Variants in AK8 observed in about 807,000 individuals in gnomAD.
AK8 encodes adenylate kinase 8.
A neutral mutation model predicts 54.6 loss-of-function variants in AK8; 44 were observed. That is an observed-to-expected ratio of 0.81 (90% confidence interval 0.63 to 1.04). AK8 has a LOEUF of 1.04. Ranked by LOEUF, AK8 falls within the 50% of genes least tolerant of loss-of-function variation. The pLI is 0.00. For synonymous variants in AK8, 239 were observed against 245.6 expected (o/e 0.97, Z 0.25); for missense variants, 555 against 613.6 (o/e 0.90, Z 1.01).
At chr9:132,728,858 C>T (rs886771227) in intron 11 of AK8, among the ~76,000 whole-genome samples, 1 of 152,046 alleles carries the variant, frequency 6.6e-6, no homozygotes, top group Non-Finnish European at 1.5e-5. Flanking sequence ...TGGTTTCATC[C>T]CCACCCCCCT....
chr9:132,849,413 T>C (rs754080759), intron 5 of AK8, among the ~76,000 whole-genome samples: 8 of 152,262 alleles, frequency 5.3e-5, no homozygotes, highest in Admixed American at 1.3e-4. Context: ...TTGTATTACA[T>C]CAGAGCTGAG....
intron 11 of AK8, among the ~76,000 whole-genome samples, chr9:132,780,028 T>A (rs1588122603): frequency 1.3e-5 from 2 of 152,274 alleles, no homozygotes; most frequent in Non-Finnish European, 2.9e-5. Flanking sequence ...TCATTATTAC[T>A]CTTGTTGTCA....
In AK8 at chr9:132,727,493, C is replaced by T. The variant is rs146410308; in HGVS notation, c.1163G>A (p.Arg388Gln). The change falls in exon 12 of 13, where the codon CGG becomes CAG. Residue 388 changes from arginine to glutamine, a missense_variant. Transcript: ENST00000298545. Reference protein sequence around the residue: ...LNVPFDSIMERLTLRRIDPVT... With the variant: ...LNVPFDSIMEQLTLRRIDPVT... The stretch of plus-strand genomic sequence containing the variant: ...TGGATCAATTCTTCTCAGAGTCAGC[C>T]GCTCCATGATGGAATCAAATGGCAC... 3.3e-5 allele frequency: 53 copies of T among 1,613,918 alleles called. No homozygotes were observed. The highest frequency in any genetic ancestry group is 2.2e-5 in the East Asian group (1 of 44,884).
chr9:132,820,760 T>C (rs944893059), intron 9 of AK8, among the ~76,000 whole-genome samples: 2 of 152,204 alleles, frequency 1.3e-5, no homozygotes, highest in Admixed American at 6.5e-5. Flanking sequence ...GGAGATATTT[T>C]CCTTTGGCTG....
chr9:132,810,876 G>GTA (rs1840972416), intron 10 of AK8, among the ~76,000 whole-genome samples: 1 of 152,062 alleles, frequency 6.6e-6, no homozygotes, highest in Non-Finnish European at 1.5e-5. Context: ...TAGAATGTAA[G>GTA]TATAAAGAAA....
intron 2 of AK8, among the ~76,000 whole-genome samples, chr9:132,873,092 C>G (rs534856732): frequency 1.3e-5 from 2 of 152,208 alleles, no homozygotes; most frequent in African/African-American, 2.4e-5. Context: ...GGATTACAGG[C>G]GTGAGCCACC....
chr9:132,796,485 A>G (rs1840177703), intron 10 of AK8, among the ~76,000 whole-genome samples: 3 of 152,226 alleles, frequency 2.0e-5, no homozygotes, highest in South Asian at 2.1e-4. Context: ...GTATACAAAG[A>G]TGTCCATTTC....
chr9:132,847,567 GA>G (rs1246248109), intron 5 of AK8, among the ~76,000 whole-genome samples: 1 of 152,212 alleles, frequency 6.6e-6, no homozygotes, highest in Non-Finnish European at 1.5e-5. Flanking sequence ...CACCCCTGCT[GA>G]GGGGGTCCAG....
At chr9:132,857,517 C>G (rs1002863980) in intron 4 of AK8, among the ~76,000 whole-genome samples, 2 of 152,216 alleles carry the variant, frequency 1.3e-5, no homozygotes, top group East Asian at 1.9e-4. Context: ...CTGCATCCCC[C>G]CTCCGTCTCA....
intron 11 of AK8, among the ~76,000 whole-genome samples, chr9:132,741,266 A>G (rs1292325035): frequency 6.6e-6 from 1 of 152,166 alleles, no homozygotes; most frequent in African/African-American, 2.4e-5. Context: ...CTGCTCCTTC[A>G]TGCCTGTGCA....
intron 11 of AK8, among the ~76,000 whole-genome samples, chr9:132,748,978 G>A (rs908853926): frequency 4.6e-5 from 7 of 151,902 alleles, no homozygotes; most frequent in African/African-American, 7.2e-5. Flanking sequence ...GGGTTCAAGC[G>A]ATTCTCTTGC....
At chr9:132,833,573 T>C (rs1346029402) in intron 5 of AK8, among the ~76,000 whole-genome samples, 1 of 152,174 alleles carries the variant, frequency 6.6e-6, no homozygotes, top group East Asian at 1.9e-4. Flanking sequence ...TCGCTCACCG[T>C]ACCCCCGTGG....
chr9:132,737,010 A>C (rs1416411266), intron 11 of AK8, among the ~76,000 whole-genome samples: 4 of 152,150 alleles, frequency 2.6e-5, no homozygotes. Flanking sequence ...TAATGAGTCT[A>C]GAGTTTCAGT....
At chr9:132,871,762 A>G (rs1380713237) in intron 2 of AK8, among the ~76,000 whole-genome samples, 1 of 152,224 alleles carries the variant, frequency 6.6e-6, no homozygotes, top group African/African-American at 2.4e-5. Context: ...ATGAAGGGAA[A>G]GGGGCGCTAA....
At chr9:132,855,497 T>C (rs1431257889) in intron 4 of AK8, among the ~76,000 whole-genome samples, 1 of 152,144 alleles carries the variant, frequency 6.6e-6, no homozygotes, top group Non-Finnish European at 1.5e-5. Flanking sequence ...CCACAGTCAG[T>C]GACCTCATGT....
intron 3 of AK8, among the ~76,000 whole-genome samples, chr9:132,865,803 C>T (rs1843569238): frequency 6.7e-6 from 1 of 150,098 alleles, no homozygotes; most frequent in African/African-American, 2.5e-5. Flanking sequence ...CAGAGGGAGA[C>T]TCTGTCTCAA....
intron 11 of AK8, among the ~76,000 whole-genome samples, chr9:132,759,672 G>A (rs1340326957): frequency 4.6e-5 from 7 of 152,136 alleles, no homozygotes; most frequent in South Asian, 2.1e-4. Flanking sequence ...ACCCAGTTGC[G>A]CAGCATCATT....
chr9:132,825,398 C>T (rs912970533), intron 8 of AK8, among the ~76,000 whole-genome samples: 3 of 152,058 alleles, frequency 2.0e-5, no homozygotes, highest in Non-Finnish European at 4.4e-5. Context: ...ATCATATGAA[C>T]TTTTAAATTT....
At chr9:132,795,379 G>T (rs1311648039) in intron 10 of AK8, among the ~76,000 whole-genome samples, 1 of 152,176 alleles carries the variant, frequency 6.6e-6, no homozygotes, top group Non-Finnish European at 1.5e-5. Context: ...TTGCCTGTGA[G>T]GAACTGGGGC....
Sources: gnomAD v4.1 joint callset for allele counts (sites outside exome capture counted in the v4.1 genomes callset) on GRCh38, gnomAD v4.1.1 for gene constraint, MANE v1.5 for transcripts, NCBI Gene and HGNC (gene_info 2026-07-23, HGNC 2026-07-21) for gene names.